The following NCOA2 variants were observed in gnomAD, a reference collection of about 807,000 sequenced individuals.
NCOA2 encodes nuclear receptor coactivator 2.
Under a neutral mutation model 145.1 loss-of-function variants are expected in NCOA2, and 21 were observed. That is an observed-to-expected ratio of 0.14 (90% CI 0.10 to 0.21). The LOEUF (loss-of-function observed/expected upper bound fraction) is 0.21, where lower values mean the gene tolerates loss of function less well. Ranked by LOEUF, NCOA2 falls within the 10% of genes least tolerant of loss-of-function variation. NCOA2 has a pLI of 1.00. For missense variants in NCOA2, 1,472 were observed against 1,837.6 expected, an observed-to-expected ratio of 0.80 and a Z score of 3.64; for synonymous variants, 619 against 637.5, an observed-to-expected ratio of 0.97 and a Z score of 0.44.
chr8:70,416,757 T>C, the NCOA2 span, among the ~76,000 whole-genome samples: 2 of 151,866 alleles, frequency 1.3e-5, no homozygotes, highest in African/African-American at 2.4e-5. Flanking sequence ...AAAGAGAGAG[T>C]GAGAGAGTGA....
chr8:70,450,062 G>A, the NCOA2 span, among the ~76,000 whole-genome samples: 1 of 152,138 alleles, frequency 6.6e-6, no homozygotes, highest in Non-Finnish European at 1.5e-5. Context: ...AACGTAAGAG[G>A]TTGGAAAGAG....
At chr8:70,372,592 G>A (rs1034798243) in intron 1 of NCOA2, among the ~76,000 whole-genome samples, 1 of 152,054 alleles carries the variant, frequency 6.6e-6, no homozygotes, top group Non-Finnish European at 1.5e-5. Flanking sequence ...CTTCTCAAAG[G>A]CACCCTTCCA....
At chr8:70,353,036 A>T (rs1412111282) in intron 1 of NCOA2, among the ~76,000 whole-genome samples, 1 of 151,546 alleles carries the variant, frequency 6.6e-6, no homozygotes, top group African/African-American at 2.4e-5. Context: ...AGAGCTTCAA[A>T]TTTTTCCTAA....
chr8:70,331,103 A>T (rs891026330), intron 1 of NCOA2, among the ~76,000 whole-genome samples: 31 of 151,198 alleles, frequency 2.1e-4, no homozygotes, highest in South Asian at 6.3e-4. Flanking sequence ...GCTTTTAATT[A>T]AAAAAAAAGC....
intron 21 of NCOA2, among the ~76,000 whole-genome samples, chr8:70,122,835 A>C (rs1164815829): frequency 6.6e-6 from 1 of 152,224 alleles, no homozygotes; most frequent in Non-Finnish European, 1.5e-5. Context: ...CCATTCTCAC[A>C]ATCTTGTTCT....
At chr8:70,256,913 G>A (rs1272925118) in intron 2 of NCOA2, among the ~76,000 whole-genome samples, 1 of 152,116 alleles carries the variant, frequency 6.6e-6, no homozygotes, top group Non-Finnish European at 1.5e-5. Context: ...CCCTTTTAGA[G>A]ATGAAAAAAC....
At chr8:70,358,887 T>C (rs1161720052) in intron 1 of NCOA2, among the ~76,000 whole-genome samples, 1 of 151,996 alleles carries the variant, frequency 6.6e-6, no homozygotes, top group Non-Finnish European at 1.5e-5. Flanking sequence ...CTCAGCAACA[T>C]AAAGAGAAAC....
intron 4 of NCOA2, among the ~76,000 whole-genome samples, chr8:70,200,351 T>G (rs1421721891): frequency 6.6e-6 from 1 of 152,178 alleles, no homozygotes; most frequent in Non-Finnish European, 1.5e-5. Flanking sequence ...ATCTATTCAT[T>G]TCTAGCTGAA....
the NCOA2 span, among the ~76,000 whole-genome samples, chr8:70,419,125 T>A: frequency 1.1e-3 from 170 of 151,930 alleles, no homozygotes; most frequent in Middle Eastern, 6.8e-3. Flanking sequence ...AAACTAGATA[T>A]CCAGATTCTT....
the NCOA2 span, among the ~76,000 whole-genome samples, chr8:70,444,211 A>C: frequency 6.6e-6 from 1 of 152,240 alleles, no homozygotes; most frequent in African/African-American, 2.4e-5. Context: ...ATTGATATAC[A>C]CAACAACTTG....
intron 6 of NCOA2, among the ~76,000 whole-genome samples, chr8:70,168,894 TAATAAAGG>T (rs1222800700): frequency 6.6e-6 from 1 of 152,156 alleles, no homozygotes; most frequent in Non-Finnish European, 1.5e-5. Flanking sequence ...CTAGAGAATA[TAATAAAGG>T]AATCCTACAC....
In NCOA2 at chr8:70,126,957, C is replaced by A. The variant is rs1276955047; in HGVS notation, c.3772G>T (p.Val1258Phe). The change falls in exon 19 of 23, where the codon GTT (valine) becomes TTT (phenylalanine). Residue 1258 changes from valine to phenylalanine, a missense_variant. Physicochemically the swap from Val to Phe is conservative, Grantham distance 50. Around this residue, in one of 4 missense-constraint regions of NCOA2, gnomAD observed 232 missense variants for 290.6 expected, o/e 0.80. Transcript: ENST00000452400. ...CTCATCATCAAAGTTCGTTGCTGAA[C>A]TTGCTGTTGCTGATGCATTTGTCTC... Reference protein sequence around the residue: ...RQRQMHQQQQVQQRTLMMRGQ... With the variant: ...RQRQMHQQQQFQQRTLMMRGQ... The A allele has an allele frequency of 6.2e-7, 1 of 1,613,778 alleles. No individual in the cohort carries two copies. Among genetic ancestry groups the A allele is most frequent in the African/African-American group, 1.3e-5 (1 of 74,910 alleles).
intron 22 of NCOA2, among the ~76,000 whole-genome samples, chr8:70,120,646 G>A (rs149630834): frequency 5.0e-4 from 76 of 152,210 alleles, no homozygotes; most frequent in South Asian, 1.7e-3. Context: ...GCCTGAACCC[G>A]CGAGGTGGAG....
rs572412728 is a variant in NCOA2 at position 70,308,627 on chromosome 8, G to T, written c.-76-11827C>A. On this transcript the variant is annotated intron_variant, in intron 1 of 22. Transcript: ENST00000452400. ...ATTTGTAGCATGAACTCCCAATTGG[G>T]AAGTTCTTATTTCTATCAAAAGGAA... 2.6e-5 allele frequency among the ~76,000 whole-genome samples: 4 copies of T among 152,256 alleles called. No individual in the cohort carries two copies. The East Asian group carries it at 7.7e-4, about 29-fold the overall frequency.
the NCOA2 span, among the ~76,000 whole-genome samples, chr8:70,451,189 G>A: frequency 7.3e-6 from 1 of 137,188 alleles, no homozygotes; most frequent in African/African-American, 2.8e-5. Flanking sequence ...CTGTGCTCCG[G>A]TCTGGGGGAC....
At chr8:70,348,839 A>G (rs1460406494) in intron 1 of NCOA2, among the ~76,000 whole-genome samples, 5 of 152,158 alleles carry the variant, frequency 3.3e-5, no homozygotes, top group Non-Finnish European at 5.9e-5. Flanking sequence ...CCAGGGAGAA[A>G]TGTCAAGCCA....
the NCOA2 span, among the ~76,000 whole-genome samples, chr8:70,440,797 GAAAT>G: frequency 6.7e-6 from 1 of 149,930 alleles, no homozygotes; most frequent in African/African-American, 2.4e-5. Context: ...GAAAGAAAAA[GAAAT>G]AAAGACAAGA....
intron 4 of NCOA2, among the ~76,000 whole-genome samples, chr8:70,190,688 C>G (rs1426778096): frequency 1.3e-5 from 2 of 152,038 alleles, no homozygotes; most frequent in Non-Finnish European, 2.9e-5. Context: ...CCTGTCTCTA[C>G]TAAAAATACA....
At chr8:70,410,969 T>C in the NCOA2 span, among the ~76,000 whole-genome samples, 1 of 152,128 alleles carries the variant, frequency 6.6e-6, no homozygotes. Context: ...GTGATTAATA[T>C]TGATTTAGGT....
Sources: gnomAD v4.1 joint callset for allele counts (sites outside exome capture counted in the v4.1 genomes callset) on GRCh38, gnomAD v4.1.1 for gene constraint, gnomAD v4.1.1 regional missense constraint, MANE v1.5 for transcripts, NCBI Gene and HGNC (gene_info 2026-07-23, HGNC 2026-07-21) for gene names.